Variants in ACVR1B observed in about 807,000 individuals in gnomAD.
ACVR1B encodes activin A receptor type 1B.
In ACVR1B, 15 loss-of-function variants were observed where a neutral mutation model predicts 55.6. The observed-to-expected ratio is 0.27, with a 90% CI of 0.18 to 0.42. The LOEUF is 0.42. Among genes scored for constraint, ACVR1B ranks in the 10% least tolerant of loss-of-function variants. The pLI, the probability that ACVR1B is intolerant of heterozygous loss-of-function variation, is 1.00. For missense variants in ACVR1B, 359 were observed against 670.1 expected, an observed-to-expected ratio of 0.54 and a Z score of 5.13; for synonymous variants, 247 against 254.6, an observed-to-expected ratio of 0.97 and a Z score of 0.28.
intron 3 of ACVR1B, among the ~76,000 whole-genome samples, chr12:51,978,291 C>T (rs973784973): frequency 2.6e-5 from 4 of 152,028 alleles, no homozygotes; most frequent in Non-Finnish European, 5.9e-5. Flanking sequence ...AGACCCAGAC[C>T]AGCTGAAACA....
chr12:51,977,388 G>T (rs529250748), intron 3 of ACVR1B, among the ~76,000 whole-genome samples: 1 of 152,032 alleles, frequency 6.6e-6, no homozygotes, highest in Non-Finnish European at 1.5e-5. Flanking sequence ...ACCTCCACCT[G>T]CCTGGTTCAA....
chr12:51,977,571 A>T (rs1038013900), intron 3 of ACVR1B, among the ~76,000 whole-genome samples: 1 of 149,246 alleles, frequency 6.7e-6, no homozygotes, highest in Non-Finnish European at 1.5e-5. Context: ...TTTAATGAAG[A>T]TAAACCATTA....
rs60413781 is a variant in ACVR1B at position 51,967,249 on chromosome 12, C to CCAAA, written c.92-8003_92-8000dup. On this transcript the variant is annotated intron_variant, in intron 1 of 8. Transcript: ENST00000257963. ...CGCGAGACTCCGTCTCAAAAAAAAA[C>CCAAA]CAAACAAACAAACAAATAAAAACAT... Among the ~76,000 whole-genome samples the CCAAA allele has an allele frequency of 1.7e-4, 25 of 145,282 alleles. No homozygotes were observed. In the East Asian group the frequency reaches 4.7e-3, roughly 27 times the overall value.
intron 1 of ACVR1B, among the ~76,000 whole-genome samples, chr12:51,973,997 A>C (rs1262458058): frequency 6.6e-6 from 1 of 152,232 alleles, no homozygotes. Context: ...GGAAGAGACG[A>C]AGATAGACTG....
At chr12:51,970,127 A>G (rs1292489350) in intron 1 of ACVR1B, among the ~76,000 whole-genome samples, 2 of 152,142 alleles carry the variant, frequency 1.3e-5, no homozygotes, top group African/African-American at 4.8e-5. Context: ...CGGGGAGGGT[A>G]AGAATGTGTT....
At position 51,986,257 on chromosome 12, in the gene ACVR1B, ACTCT is replaced by A. The variant is rs1942073694; in HGVS notation, c.1137-556_1137-553del. The stretch of plus-strand genomic sequence containing the variant: ...ACATGCTTCAAATAAACAAATCTTT[ACTCT>A]CTCTTTGTTTTTTTGATATGGAGTT... On this transcript the variant is annotated intron_variant, in intron 6 of 8. Coordinates refer to ENST00000257963, the MANE Select transcript of ACVR1B (RefSeq NM_004302.5). Among the ~76,000 whole-genome samples the A allele has an allele frequency of 8.6e-5, 13 of 151,986 alleles. No homozygotes were observed. In the South Asian group the frequency reaches 2.7e-3, roughly 32 times the overall value.
At chr12:51,958,714 C>G (rs1941458420) in intron 1 of ACVR1B, among the ~76,000 whole-genome samples, 1 of 152,132 alleles carries the variant, frequency 6.6e-6, no homozygotes, top group African/African-American at 2.4e-5. Flanking sequence ...AAGGTGCATG[C>G]AAGCTAGATG....
intron 4 of ACVR1B, chr12:51,982,593 C>T: frequency 7.4e-7 from 1 of 1,346,448 alleles, no homozygotes; most frequent in Non-Finnish European, 9.7e-7. Context: ...GCAGTTGTGA[C>T]ATGACTTGCT....
chr12:51,956,140 T>G (rs1378676693), intron 1 of ACVR1B, among the ~76,000 whole-genome samples: 1 of 152,232 alleles, frequency 6.6e-6, no homozygotes, highest in Non-Finnish European at 1.5e-5. Context: ...TCCCAGGCAA[T>G]CTTTATCTGC....
intron 1 of ACVR1B, among the ~76,000 whole-genome samples, chr12:51,955,902 C>T (rs1941399790): frequency 6.6e-6 from 1 of 152,234 alleles, no homozygotes; most frequent in South Asian, 2.1e-4. Flanking sequence ...CAGGCACTGC[C>T]TCATGGCCAG....
At position 51,994,390 on chromosome 12, in the gene ACVR1B, C is replaced by G. The variant is rs894897872; in HGVS notation, c.*280C>G. On this transcript the variant is annotated 3_prime_UTR_variant, in exon 9 of 9. Coordinates refer to ENST00000257963, the MANE Select transcript of ACVR1B (RefSeq NM_004302.5). This position sits in a 1 kb window ranked among gnomAD's most constrained non-coding sequence, Gnocchi z 4.2. ...TCGAACTGGTTGTAGTGGGAAGTCCCGCGAAACCCGGTGCATCTGGCACGT... is the reference window on the plus strand; with the variant it reads ...TCGAACTGGTTGTAGTGGGAAGTCCGGCGAAACCCGGTGCATCTGGCACGT... 2.7e-6 allele frequency: 1 copy of G among 367,562 alleles called. No homozygotes were observed. Among genetic ancestry groups the G allele is most frequent in the Non-Finnish European group, 5.0e-6 (1 of 199,572 alleles). The allele number at this position is 367,562 out of a possible 1,614,324, so 22.8% of individuals were successfully genotyped here. A position where few individuals can be genotyped will look rare whatever the true frequency, so the allele number is the denominator to read the frequency against.
At chr12:51,967,266 T>C (rs1443804827) in intron 1 of ACVR1B, among the ~76,000 whole-genome samples, 8 of 142,072 alleles carry the variant, frequency 5.6e-5, no homozygotes, top group Admixed American at 2.1e-4. Flanking sequence ...AACAAACAAA[T>C]AAAAACATTA....
In ACVR1B at chr12:51,986,887, T is replaced by C. The variant is rs984799517; in HGVS notation, c.1206T>C (p.Asp402=). Reference sequence around the variant, plus strand: ...ACTTTGACTCCTTTAAATGTGCTGATATTTATGCCCTCGGGCTTGTATATT... The same window carrying C: ...ACTTTGACTCCTTTAAATGTGCTGACATTTATGCCCTCGGGCTTGTATATT... The part of the protein sequence containing the change: ...MKHFDSFKCA[D]IYALGLVYWE... Residue 402 remains aspartate, a synonymous_variant, in exon 7 of 9, where the codon GAT becomes GAC. Transcript: ENST00000257963. 6 of 1,614,126 alleles carry C rather than the reference T, an allele frequency of 3.7e-6. No individual in the cohort carries two copies. Among genetic ancestry groups the C allele is most frequent in the Non-Finnish European group, 5.1e-6 (6 of 1,180,046 alleles).
intron 7 of ACVR1B, among the ~76,000 whole-genome samples, chr12:51,990,339 CAG>C (rs1340641184): frequency 3.5e-5 from 3 of 85,918 alleles, no homozygotes; most frequent in African/African-American, 4.7e-5. Flanking sequence ...TTTTTTGAGA[CAG>C]AGTCTCACTG....
At chr12:51,951,907 G>T in intron 1 of ACVR1B, 73 bp downstream of exon 1, 1 of 965,266 alleles carries the variant, frequency 1.0e-6, no homozygotes, top group Non-Finnish European at 1.3e-6. Flanking sequence ...AGCCGCGGCC[G>T]CTGGACTACA....
Position 51,994,220 on chromosome 12 carries a change from A to G in ACVR1B, c.*110A>G. The G allele has an allele frequency of 6.7e-7, 1 of 1,501,708 alleles. No individual in the cohort carries two copies. The highest frequency in any genetic ancestry group is 8.9e-7 in the Non-Finnish European group (1 of 1,118,414). The allele number at this position is 1,501,708 out of a possible 1,614,324, so 93.0% of individuals were successfully genotyped here. On this transcript the variant is annotated 3_prime_UTR_variant, in exon 9 of 9. Coordinates refer to ENST00000257963, the MANE Select transcript of ACVR1B (RefSeq NM_004302.5). This position sits in a 1 kb window ranked among gnomAD's most constrained non-coding sequence, Gnocchi z 4.2. ...CGTTTCTGCCCAGCCCTCTGTGGCC[A>G]GGAGCCCTGGCCCGCAAGAGGGACA... is the stretch of plus-strand genomic sequence containing the variant.
intron 1 of ACVR1B, among the ~76,000 whole-genome samples, chr12:51,971,909 T>G (rs1182113847): frequency 6.6e-6 from 1 of 152,216 alleles, no homozygotes; most frequent in Non-Finnish European, 1.5e-5. Context: ...TCAAAGAGGT[T>G]AAATGACTTG....
chr12:51,982,461 A>G (rs1427792461), intron 4 of ACVR1B, among the ~76,000 whole-genome samples: 1 of 152,220 alleles, frequency 6.6e-6, no homozygotes, highest in Non-Finnish European at 1.5e-5. Context: ...AGAGCAAGAC[A>G]CAGTCCCTCC....
intron 1 of ACVR1B, among the ~76,000 whole-genome samples, chr12:51,973,390 C>G (rs1429915423): frequency 1.3e-5 from 2 of 152,104 alleles, no homozygotes; most frequent in Non-Finnish European, 2.9e-5. Context: ...ATAGAGAACC[C>G]CTTTTAAAGT....
Sources: allele counts gnomAD v4.1 joint callset (sites outside exome capture counted in the v4.1 genomes callset), GRCh38; gene constraint gnomAD v4.1.1; non-coding constraint Gnocchi (gnomAD v3.1); transcripts MANE v1.5; gene names NCBI Gene and HGNC (gene_info 2026-07-23, HGNC 2026-07-21).